Variants in CSMD1 observed in about 807,000 individuals in gnomAD.
The protein encoded by CSMD1 is CUB and sushi domain-containing protein 1.
CSMD1 carries 213 observed loss-of-function variants against 417.5 expected under a neutral mutation model. The observed-to-expected ratio is 0.51, with a 90% confidence interval of 0.46 to 0.57. The LOEUF is 0.57. Among genes scored for constraint, CSMD1 ranks in the 20% least tolerant of loss-of-function variants. The pLI, the probability that CSMD1 is intolerant of heterozygous loss-of-function variation, is 0.00. For missense variants in CSMD1, 6,923 were observed against 4,529.7 expected, an observed-to-expected ratio of 1.53 and a Z score of -15.17; for synonymous variants, 2,862 against 1,736.8, an observed-to-expected ratio of 1.65 and a Z score of -16.11.
chr8:4,272,895 T>C (rs1326786881), intron 3 of CSMD1, among the ~76,000 whole-genome samples: 1 of 152,178 alleles, frequency 6.6e-6, no homozygotes, highest in African/African-American at 2.4e-5. Context: ...GTTGTAGCTT[T>C]AGCTTCTCAT....
chr8:3,524,018 T>C (rs1417010285), intron 10 of CSMD1, among the ~76,000 whole-genome samples: 56 of 103,316 alleles, frequency 5.4e-4, no homozygotes, highest in African/African-American at 2.4e-3. Context: ...CATGTGCACG[T>C]GCACACACAC....
chr8:4,940,554 G>T (rs1309940838), intron 1 of CSMD1, among the ~76,000 whole-genome samples: 1 of 152,200 alleles, frequency 6.6e-6, no homozygotes, highest in Non-Finnish European at 1.5e-5. Context: ...CATCCACACA[G>T]TATCAACTAG....
rs550442702 is a variant in CSMD1 at position 3,244,940 on chromosome 8, A to G, written c.4154-14709T>C. 1.8e-4 allele frequency among the ~76,000 whole-genome samples: 28 copies of G among 152,258 alleles called. 2 individuals are homozygous for G. The South Asian group carries it at 4.8e-3, about 26-fold the overall frequency. On this transcript the variant is annotated intron_variant, in intron 26 of 69. Coordinates refer to ENST00000635120, the MANE Select transcript of CSMD1 (RefSeq NM_033225.6). ...GAAGTAAAACTGACTCCCTTCGGGA[A>G]CATGTGATCCTGAAGTTATTTTTTG...
intron 5 of CSMD1, among the ~76,000 whole-genome samples, chr8:3,972,388 A>G (rs1813149107): frequency 6.6e-6 from 1 of 152,312 alleles, no homozygotes. Flanking sequence ...CTTTATACAA[A>G]CACAAGTATA....
intron 42 of CSMD1, among the ~76,000 whole-genome samples, chr8:3,115,417 G>A (rs1816806429): frequency 6.6e-6 from 1 of 152,138 alleles, no homozygotes; most frequent in South Asian, 2.1e-4. Flanking sequence ...GGCCAGGCTT[G>A]TCTCAAACTC....
chr8:4,145,117 A>G (rs1249111260), intron 3 of CSMD1, among the ~76,000 whole-genome samples: 1 of 151,234 alleles, frequency 6.6e-6, no homozygotes, highest in Admixed American at 6.6e-5. Flanking sequence ...ATATAATTAC[A>G]TGGCGCAGAT....
chr8:3,444,900 G>C (rs1815205716), intron 12 of CSMD1, among the ~76,000 whole-genome samples: 1 of 152,134 alleles, frequency 6.6e-6, no homozygotes, highest in South Asian at 2.1e-4. Flanking sequence ...AATAAACACA[G>C]CTGGTCAGTG....
At chr8:4,600,327 G>T (rs60020455) in intron 2 of CSMD1, among the ~76,000 whole-genome samples, 374 of 152,248 alleles carry the variant, frequency 2.5e-3, no homozygotes, top group African/African-American at 8.6e-3. Flanking sequence ...GGTAGAAATG[G>T]AAAGTTAGTC....
chr8:3,993,473 C>A (rs1273530354), intron 5 of CSMD1, among the ~76,000 whole-genome samples: 3 of 152,262 alleles, frequency 2.0e-5, no homozygotes, highest in Non-Finnish European at 4.4e-5. Context: ...ACTCAGCTTT[C>A]CCCATTTCTC....
chr8:3,316,022 A>ACT (rs572644126), intron 23 of CSMD1, among the ~76,000 whole-genome samples: 54 of 152,204 alleles, frequency 3.5e-4, no homozygotes, highest in African/African-American at 1.2e-3. Context: ...TTTCTCACTG[A>ACT]TTTTTTTACC....
At chr8:3,233,106 G>A (rs1283805164) in intron 26 of CSMD1, among the ~76,000 whole-genome samples, 1 of 149,978 alleles carries the variant, frequency 6.7e-6, no homozygotes, top group African/African-American at 2.5e-5. Context: ...TTTTTTCTGA[G>A]TTTTTATTTG....
chr8:2,986,343 T>G (rs1212619678), intron 54 of CSMD1, among the ~76,000 whole-genome samples: 2 of 152,118 alleles, frequency 1.3e-5, no homozygotes, highest in African/African-American at 4.8e-5. Context: ...AGAAAACTGC[T>G]GTTCTCCCAG....
rs569673655 is a variant in CSMD1 at position 3,457,792 on chromosome 8, A to T, written c.1561+10920T>A. Reference sequence around the variant, plus strand: ...AACAAATTCCAATTGAAAGGAAAAAACCTGTTTGTAAAAGTGGGTCCTTGT... The same window carrying T: ...AACAAATTCCAATTGAAAGGAAAAATCCTGTTTGTAAAAGTGGGTCCTTGT... On this transcript the variant is annotated intron_variant, in intron 12 of 69. Coordinates refer to ENST00000635120, the MANE Select transcript of CSMD1 (RefSeq NM_033225.6). Among the ~76,000 whole-genome samples the T allele has an allele frequency of 2.6e-5, 4 of 152,268 alleles. No homozygotes were observed. The East Asian group carries it at 5.8e-4, about 22-fold the overall frequency.
intron 5 of CSMD1, among the ~76,000 whole-genome samples, chr8:3,812,188 G>A (rs779195889): frequency 6.6e-6 from 1 of 152,082 alleles, no homozygotes; most frequent in Admixed American, 6.5e-5. Context: ...TTTAATAAAA[G>A]AGACCACATA....
intron 2 of CSMD1, among the ~76,000 whole-genome samples, chr8:4,511,806 C>T (rs1802835768): frequency 1.3e-5 from 2 of 152,122 alleles, no homozygotes. Flanking sequence ...CAGGGGTCTA[C>T]ACATTATGAG....
intron 11 of CSMD1, among the ~76,000 whole-genome samples, chr8:3,471,712 C>A (rs1029339401): frequency 1.4e-5 from 2 of 141,982 alleles, no homozygotes; most frequent in Admixed American, 7.1e-5. Flanking sequence ...TTCTTTCCTT[C>A]CTTCCTTCCT....
At position 2,963,179 on chromosome 8, in the gene CSMD1, G is replaced by T. The variant is rs373754858; in HGVS notation, c.9454+43C>A. ...TGTGCCCTGGTTATCCGTCCCTGTT[G>T]CAGACCTGCAGTGGGCGGAACAAAT... On this transcript the variant is annotated intron_variant, in intron 60 of 69. Coordinates refer to ENST00000635120, the MANE Select transcript of CSMD1 (RefSeq NM_033225.6). 14 of 1,600,676 alleles carry T rather than the reference G, an allele frequency of 8.7e-6. No individual in the cohort carries two copies. In the African/African-American group the frequency reaches 1.7e-4, roughly 20 times the overall value.
chr8:3,706,413 C>G (rs896892567), intron 7 of CSMD1, among the ~76,000 whole-genome samples: 2 of 152,148 alleles, frequency 1.3e-5, no homozygotes, highest in African/African-American at 4.8e-5. Context: ...TGACACATTA[C>G]CATTGATTAC....
chr8:3,185,926 C>G (rs923301012), intron 36 of CSMD1, among the ~76,000 whole-genome samples: 1 of 152,022 alleles, frequency 6.6e-6, no homozygotes. Flanking sequence ...GCATGGCTCC[C>G]GTGACTTGAA....
Sources: gnomAD v4.1 joint callset for allele counts (sites outside exome capture counted in the v4.1 genomes callset) on GRCh38, gnomAD v4.1.1 for gene constraint, MANE v1.5 for transcripts, NCBI Gene and HGNC (gene_info 2026-07-23, HGNC 2026-07-21) for gene names.